The following CAMK4 variants were observed in gnomAD, a reference collection of about 807,000 sequenced individuals.
CAMK4 encodes calcium/calmodulin dependent protein kinase IV.
A neutral mutation model predicts 44.9 loss-of-function variants in CAMK4; 22 were observed. The observed-to-expected ratio is 0.49, with a 90% CI of 0.35 to 0.70. The LOEUF is 0.70. CAMK4 is among the 30% of genes least tolerant of loss of function. CAMK4 has a pLI of 0.01. For missense variants in CAMK4, 498 were observed against 586.8 expected (o/e 0.85, Z 1.56); for synonymous variants, 218 against 215.4 (o/e 1.01, Z -0.11).
At chr5:111,442,301 C>G (rs554829213) in intron 5 of CAMK4, among the ~76,000 whole-genome samples, 82 of 152,260 alleles carry the variant, frequency 5.4e-4, no homozygotes, top group African/African-American at 1.9e-3. Flanking sequence ...AGAGACCAAG[C>G]TGGCCAACAT....
rs1334312476 is a variant in CAMK4, at chr5:111,224,842, G to T, written c.161+198G>T. ...CCACCCCACCAGAGCGCCTAGGCCG[G>T]TGCAGCTGTAGGATCAGCCCGACTC... On this transcript the variant is annotated intron_variant, in intron 1 of 10. Transcript: ENST00000282356. The surrounding 1 kb of genome is among the most constrained non-coding windows in gnomAD (Gnocchi z 5.7). Among the ~76,000 whole-genome samples the T allele has an allele frequency of 6.6e-6, 1 of 152,118 alleles. No individual in the cohort carries two copies. Among genetic ancestry groups the T allele is most frequent in the Non-Finnish European group, 1.5e-5 (1 of 68,016 alleles).
chr5:111,248,604 C>G (rs1196821082), intron 1 of CAMK4, among the ~76,000 whole-genome samples: 13 of 151,542 alleles, frequency 8.6e-5, no homozygotes, highest in Non-Finnish European at 2.9e-5. Flanking sequence ...CAGTATCTAG[C>G]ACATTGCTTT....
intron 8 of CAMK4, among the ~76,000 whole-genome samples, chr5:111,474,372 C>T (rs1026376146): frequency 6.6e-6 from 1 of 152,190 alleles, no homozygotes; most frequent in African/African-American, 2.4e-5. Context: ...GCTGAGGGCC[C>T]TCTCTTGGCT....
chr5:111,358,530 C>A (rs1750465510), intron 2 of CAMK4, among the ~76,000 whole-genome samples: 2 of 151,830 alleles, frequency 1.3e-5, no homozygotes, highest in South Asian at 4.2e-4. Flanking sequence ...CCCGACACAA[C>A]CTACCAATCT....
At position 111,296,734 on chromosome 5, in the gene CAMK4, A is replaced by G. The variant is rs114740353; in HGVS notation, c.162-47290A>G. ...AACAGAACACAACCCTCAGGTTATC[A>G]GCTTCATGAGGATACTATCACAAAC... On this transcript the variant is annotated intron_variant, in intron 1 of 10. Coordinates refer to ENST00000282356, the MANE Select transcript of CAMK4 (RefSeq NM_001744.6). Among the ~76,000 whole-genome samples the G allele has an allele frequency of 4.0e-3, 612 of 152,342 alleles. 5 individuals carry two copies. The highest frequency in any genetic ancestry group is 0.014 in the African/African-American group (566 of 41,582).
intron 1 of CAMK4, among the ~76,000 whole-genome samples, chr5:111,309,538 G>A (rs1316173760): frequency 1.3e-5 from 2 of 152,086 alleles, no homozygotes; most frequent in South Asian, 2.1e-4. Context: ...GTCAAATCTA[G>A]GAGTGAGAAC....
At chr5:111,462,342 T>C (rs545294823) in intron 7 of CAMK4, among the ~76,000 whole-genome samples, 1 of 152,226 alleles carries the variant, frequency 6.6e-6, no homozygotes, top group Non-Finnish European at 1.5e-5. Flanking sequence ...CTTCCTTTGA[T>C]GTTTTTGATT....
chr5:111,361,374 A>G (rs1196252750), intron 2 of CAMK4, among the ~76,000 whole-genome samples: 2 of 152,032 alleles, frequency 1.3e-5, no homozygotes, highest in African/African-American at 4.8e-5. Context: ...AATCACTCAA[A>G]TTAAAGTTTG....
At chr5:111,249,409 A>C (rs978618603) in intron 1 of CAMK4, among the ~76,000 whole-genome samples, 1 of 151,492 alleles carries the variant, frequency 6.6e-6, no homozygotes, top group African/African-American at 2.4e-5. Flanking sequence ...TAGATGTTAT[A>C]TATTGTATGT....
At chr5:111,471,921 A>G (rs992572365) in intron 7 of CAMK4, among the ~76,000 whole-genome samples, 14 of 148,460 alleles carry the variant, frequency 9.4e-5, no homozygotes, top group Non-Finnish European at 1.8e-4. Context: ...ATTTTTTGAG[A>G]CAGAGTCTTG....
chr5:111,403,821 T>C (rs1192566905), intron 5 of CAMK4, among the ~76,000 whole-genome samples: 1 of 152,206 alleles, frequency 6.6e-6, no homozygotes, highest in East Asian at 1.9e-4. Flanking sequence ...TCACTAATGA[T>C]AATGATATCA....
rs1280423112 is a variant in CAMK4 at position 111,449,146 on chromosome 5, A to C, written c.568A>C (p.Lys190Gln). 1 of 1,569,240 alleles carries C rather than the reference A, an allele frequency of 6.4e-7. No homozygotes were observed. The highest frequency in any genetic ancestry group is 1.3e-5 in the African/African-American group (1 of 74,194). The part of the protein sequence containing the change: ...PLKIADFGLS[K>Q]IVEHQVLMKT... ...GTTATTAGCTGATTTTGGACTCTCTAAAATTGTGGAACATCAAGTGCTCAT... is the reference window on the plus strand; with the variant it reads ...GTTATTAGCTGATTTTGGACTCTCTCAAATTGTGGAACATCAAGTGCTCAT... The change falls in exon 7 of 11, where the codon AAA becomes CAA. Residue 190 changes from lysine (K) to glutamine (Q), a missense_variant. This residue lies in a region of CAMK4 where 203 missense variants were observed against 298.2 expected (regional missense o/e 0.68). Transcript: ENST00000282356.
At chr5:111,400,226 A>G (rs1208905968) in intron 5 of CAMK4, among the ~76,000 whole-genome samples, 1 of 152,220 alleles carries the variant, frequency 6.6e-6, no homozygotes, top group East Asian at 1.9e-4. Flanking sequence ...ATTTTCTCTG[A>G]TTATTGCAAT....
intron 1 of CAMK4, among the ~76,000 whole-genome samples, chr5:111,261,288 A>G (rs747552387): frequency 5.3e-5 from 8 of 152,194 alleles, no homozygotes; most frequent in East Asian, 1.9e-4. Flanking sequence ...GTCGTCTTCC[A>G]TCTTTGTAGC....
At chr5:111,432,982 C>G (rs2112943486) in intron 5 of CAMK4, among the ~76,000 whole-genome samples, 1 of 152,164 alleles carries the variant, frequency 6.6e-6, no homozygotes. Flanking sequence ...AATATGATGA[C>G]AGCATTAAAA....
At chr5:111,350,971 A>G (rs2112770600) in intron 2 of CAMK4, among the ~76,000 whole-genome samples, 1 of 152,224 alleles carries the variant, frequency 6.6e-6, no homozygotes, top group South Asian at 2.1e-4. Flanking sequence ...TTCTTGGTAG[A>G]TGAATCTCCA....
chr5:111,330,081 T>C (rs1749095364), intron 1 of CAMK4, among the ~76,000 whole-genome samples: 1 of 121,998 alleles, frequency 8.2e-6, no homozygotes, highest in African/African-American at 2.7e-5. Context: ...CTCAGAATTC[T>C]ACTCCCCACC....
intron 8 of CAMK4, among the ~76,000 whole-genome samples, chr5:111,474,318 G>A (rs1580801978): frequency 1.3e-5 from 2 of 152,186 alleles, no homozygotes; most frequent in East Asian, 3.8e-4. Flanking sequence ...ACAGTTTTCG[G>A]GGGCTGGAAG....
intron 1 of CAMK4, among the ~76,000 whole-genome samples, chr5:111,258,934 C>A (rs1309932694): frequency 6.6e-6 from 1 of 152,050 alleles, no homozygotes; most frequent in East Asian, 1.9e-4. Context: ...AGGAAAAACC[C>A]TTAAGGAAGT....
Sources: gnomAD v4.1 joint callset for allele counts (sites outside exome capture counted in the v4.1 genomes callset) on GRCh38, gnomAD v4.1.1 for gene constraint, gnomAD v4.1.1 regional missense constraint, Gnocchi (gnomAD v3.1) non-coding constraint, MANE v1.5 for transcripts, NCBI Gene and HGNC (gene_info 2026-07-23, HGNC 2026-07-21) for gene names.